Variants in CEP63 observed in about 807,000 individuals in gnomAD.
CEP63 encodes the protein centrosomal protein 63, also known as centrosomal protein of 63 kDa.
In CEP63, 84 loss-of-function variants were observed where a neutral mutation model predicts 89.1. The ratio of observed to expected loss-of-function variants is 0.94; its 90% CI spans 0.79 to 1.13. The LOEUF (loss-of-function observed/expected upper bound fraction) is 1.13, where lower values mean the gene tolerates loss of function less well. Ranked by LOEUF, CEP63 falls within the 50% of genes most tolerant of loss-of-function variation. The probability of loss-of-function intolerance (pLI) is 0.00; values close to 1 mark genes in which losing one functional copy is unlikely to be tolerated. For synonymous variants in CEP63, 267 were observed against 272.5 expected, an observed-to-expected ratio of 0.98 and a Z score of 0.20; for missense variants, 838 against 813.3, an observed-to-expected ratio of 1.03 and a Z score of -0.37.
intron 3 of CEP63, among the ~76,000 whole-genome samples, chr3:134,526,222 GC>G (rs1948616409): frequency 6.6e-6 from 1 of 151,638 alleles, no homozygotes; most frequent in Non-Finnish European, 1.5e-5. Context: ...GGTCTATTTT[GC>G]TATTAATACT....
intron 2 of CEP63, among the ~76,000 whole-genome samples, chr3:134,505,330 T>G (rs549094718): frequency 6.6e-6 from 1 of 152,290 alleles, no homozygotes; most frequent in East Asian, 1.9e-4. Flanking sequence ...TTGATTTGAT[T>G]CTCAGTGGGT....
At chr3:134,506,918 C>CAAAAA (rs1229943667) in intron 2 of CEP63, among the ~76,000 whole-genome samples, 191 bp from the exon 3 acceptor site, 19 of 24,172 alleles carry the variant, frequency 7.9e-4, no homozygotes, top group Middle Eastern at 0.023. Flanking sequence ...AACTCCATCT[C>CAAAAA]AAAAAAAAAA....
chr3:134,649,856 G>T, the CEP63 span, among the ~76,000 whole-genome samples: 1 of 152,172 alleles, frequency 6.6e-6, no homozygotes, highest in African/African-American at 2.4e-5. Context: ...AAGAACCAAG[G>T]GCAGAGCAGC....
chr3:134,735,093 C>T, the CEP63 span, among the ~76,000 whole-genome samples: 15 of 152,092 alleles, frequency 9.9e-5, no homozygotes, highest in African/African-American at 3.4e-4. Context: ...GGTGACATGA[C>T]TATATTTTCT....
At chr3:134,647,590 G>T in the CEP63 span, 1 of 709,720 alleles carries the variant, frequency 1.4e-6, no homozygotes, top group East Asian at 2.8e-5. Context: ...TAGAGCAGGT[G>T]GATCTTGGCT....
chr3:134,507,168 T>C lies in CEP63; in HGVS notation c.104T>C (p.Met35Thr). Reference sequence around the variant, plus strand: ...GAGCTCATGAAACAGATTGACATAATGGTGGCTCATAAAAAATCTGAATGG... The same window carrying C: ...GAGCTCATGAAACAGATTGACATAACGGTGGCTCATAAAAAATCTGAATGG... The part of the protein sequence containing the change: ...LQELMKQIDI[M>T]VAHKKSEWEG... Residue 35 changes from methionine (M) to threonine (T), a missense_variant, in exon 3 of 15, where the codon ATG (methionine) becomes ACG (threonine). By Grantham distance (81) the Met-to-Thr change is moderately conservative. Transcript: ENST00000675561. 1 of 1,613,732 alleles carries C rather than the reference T, an allele frequency of 6.2e-7. No individual in the cohort carries two copies. Among genetic ancestry groups the C allele is most frequent in the Non-Finnish European group, 8.5e-7 (1 of 1,179,836 alleles).
At chr3:134,516,279 A>G (rs533156899) in intron 3 of CEP63, among the ~76,000 whole-genome samples, 32 of 152,346 alleles carry the variant, frequency 2.1e-4, no homozygotes, top group Admixed American at 2.0e-3. Context: ...CAGTGCCTTA[A>G]AGAGCAGTGT....
At chr3:134,613,517 G>T in the CEP63 span, among the ~76,000 whole-genome samples, 5 of 152,214 alleles carry the variant, frequency 3.3e-5, no homozygotes, top group Non-Finnish European at 7.3e-5. Context: ...AGGTCTGGTG[G>T]TCACCTCTAG....
At chr3:134,518,836 C>G (rs1946793750) in intron 3 of CEP63, among the ~76,000 whole-genome samples, 1 of 151,280 alleles carries the variant, frequency 6.6e-6, no homozygotes. Flanking sequence ...AAATAGGAAA[C>G]AAATGTATAA....
chr3:134,744,605 C>G, the CEP63 span, among the ~76,000 whole-genome samples: 1 of 152,160 alleles, frequency 6.6e-6, no homozygotes, highest in Non-Finnish European at 1.5e-5. Context: ...TCCTTGAACT[C>G]CTGGACTCAT....
intron 2 of CEP63, among the ~76,000 whole-genome samples, chr3:134,506,578 A>G (rs1270173933): frequency 6.6e-6 from 1 of 152,186 alleles, no homozygotes; most frequent in Non-Finnish European, 1.5e-5. Context: ...TGAGAGGAAG[A>G]TAAGATATTC....
At chr3:134,495,484 T>C in intron 2 of CEP63, 120 bp downstream of exon 2, 1 of 698,842 alleles carries the variant, frequency 1.4e-6, no homozygotes, top group Middle Eastern at 3.7e-4. Flanking sequence ...GGGTATTTAG[T>C]ATACCTATCA....
chr3:134,540,421 T>G (rs1017665852), intron 6 of CEP63, among the ~76,000 whole-genome samples: 1 of 152,210 alleles, frequency 6.6e-6, no homozygotes, highest in African/African-American at 2.4e-5. Flanking sequence ...ATTTATTTTC[T>G]TAGGAAATGG....
At chr3:134,540,267 A>G (rs907303359) in intron 6 of CEP63, among the ~76,000 whole-genome samples, 7 of 152,222 alleles carry the variant, frequency 4.6e-5, no homozygotes, top group Non-Finnish European at 1.5e-5. Flanking sequence ...ATTTGTAGTC[A>G]TAATGATTGT....
chr3:134,634,424 T>TA, the CEP63 span, among the ~76,000 whole-genome samples: 1 of 151,844 alleles, frequency 6.6e-6, no homozygotes, highest in Non-Finnish European at 1.5e-5. Context: ...AACAGAATAA[T>TA]AAAAAATAGA....
At chr3:134,690,545 C>G in the CEP63 span, among the ~76,000 whole-genome samples, 1 of 152,136 alleles carries the variant, frequency 6.6e-6, no homozygotes, top group Non-Finnish European at 1.5e-5. Context: ...CCTCTTGTTT[C>G]CATTCTTTAA....
At chr3:134,697,784 C>G in the CEP63 span, among the ~76,000 whole-genome samples, 5 of 152,208 alleles carry the variant, frequency 3.3e-5, no homozygotes, top group South Asian at 4.1e-4. Context: ...TAGCACTTAG[C>G]TTTTTCTTCT....
downstream of CEP63, among the ~76,000 whole-genome samples, chr3:134,577,139 A>G (rs946413031): frequency 6.6e-6 from 1 of 152,148 alleles, no homozygotes; most frequent in Non-Finnish European, 1.5e-5. Flanking sequence ...AGGGCTCCAA[A>G]CAAGACTGGA....
rs531319480 is a variant in CEP63, at chr3:134,519,283, C to A, written c.222+11997C>A. On this transcript the variant is annotated intron_variant, in intron 3 of 14. Coordinates refer to ENST00000675561, the MANE Select transcript of CEP63 (RefSeq NM_001353108.3). ...GGTCTGCAGGTGCGCACCACCATGC[C>A]CGGCTAATTTTTGCTTTTTTTTTTT... 1.4e-4 allele frequency among the ~76,000 whole-genome samples: 21 copies of A among 152,058 alleles called. No individual in the cohort carries two copies. The South Asian group carries it at 4.2e-3, about 30-fold the overall frequency.
Sources: allele counts gnomAD v4.1 joint callset (sites outside exome capture counted in the v4.1 genomes callset), GRCh38; gene constraint gnomAD v4.1.1; transcripts MANE v1.5; gene names NCBI Gene and HGNC (gene_info 2026-07-23, HGNC 2026-07-21).